Variants in KDM6A observed in about 807,000 individuals in gnomAD.
The protein encoded by KDM6A is lysine-specific demethylase 6A.
Under a neutral mutation model 117.6 loss-of-function variants are expected in KDM6A, and 11 were observed. The observed-to-expected ratio is 0.09, with a 90% CI of 0.06 to 0.15. The LOEUF (loss-of-function observed/expected upper bound fraction) is 0.15, where lower values mean the gene tolerates loss of function less well. Ranked by LOEUF, KDM6A falls within the 10% of genes least tolerant of loss-of-function variation. KDM6A has a pLI of 1.00. For missense variants in KDM6A, 799 were observed against 1,077.3 expected (o/e 0.74, Z 3.62); for synonymous variants, 384 against 396.1 (o/e 0.97, Z 0.36).
chrX:45,100,102 G>C (rs2046283565), intron 27 of KDM6A, among the ~76,000 whole-genome samples: 2 of 110,980 alleles, frequency 1.8e-5, no homozygotes, highest in Non-Finnish European at 3.8e-5. Context: ...CAGTACTTTG[G>C]GTTATATTTT....
At chrX:45,035,998 C>T (rs988816295) in intron 7 of KDM6A, among the ~76,000 whole-genome samples, 27 of 111,819 alleles carry the variant, frequency 2.4e-4, no homozygotes, top group African/African-American at 3.6e-4. Context: ...CGCGCCCGTC[C>T]GAAAAATGAA....
chrX:45,073,476 GTT>G (rs758939241), intron 18 of KDM6A, among the ~76,000 whole-genome samples: 47 of 111,837 alleles, frequency 4.2e-4, no homozygotes, highest in Non-Finnish European at 7.7e-4. Flanking sequence ...GGTTGAGCTA[GTT>G]TACACTCCCA....
intron 28 of KDM6A, among the ~76,000 whole-genome samples, chrX:45,109,121 T>TAAA (rs1404250760): frequency 0.033 from 3,077 of 92,964 alleles, 67 homozygotes; most frequent in Middle Eastern, 0.083. Flanking sequence ...AAGTATAATT[T>TAAA]AAAAAAATAA....
At chrX:44,904,947 C>G (rs982185389) in intron 2 of KDM6A, among the ~76,000 whole-genome samples, 1 of 112,031 alleles carries the variant, frequency 8.9e-6, no homozygotes, top group African/African-American at 3.2e-5. Flanking sequence ...AATTCTGAAA[C>G]TATTTGCTCG....
chrX:45,020,956 T>TA (rs1332924568), intron 6 of KDM6A, among the ~76,000 whole-genome samples: 2 of 111,515 alleles, frequency 1.8e-5, no homozygotes, highest in Non-Finnish European at 3.8e-5. Context: ...AATTACACTT[T>TA]AAAAAAATAG....
intron 2 of KDM6A, among the ~76,000 whole-genome samples, chrX:44,921,215 A>C (rs2035915098): frequency 8.9e-6 from 1 of 111,815 alleles, no homozygotes. Flanking sequence ...ATTTTGAAAT[A>C]GTTGTAGCTT....
chrX:45,034,795 T>C (rs989895201), intron 6 of KDM6A, 136 bp from the exon 7 acceptor site: 2 of 514,868 alleles, frequency 3.9e-6, no homozygotes, highest in African/African-American at 4.6e-5. Flanking sequence ...GTATTTCTAG[T>C]TGGTAGGCTA....
intron 29 of KDM6A, among the ~76,000 whole-genome samples, chrX:45,111,141 G>A (rs1348304815): frequency 9.0e-6 from 1 of 111,184 alleles, no homozygotes; most frequent in Non-Finnish European, 1.9e-5. Flanking sequence ...AAGAGTTTTT[G>A]ACTAATTGGT....
chrX:45,055,359 A>G (rs189810990), intron 10 of KDM6A, among the ~76,000 whole-genome samples: 39 of 111,084 alleles, frequency 3.5e-4, no homozygotes, highest in South Asian at 7.5e-4. Flanking sequence ...TACTCATAGT[A>G]TGCTTAGAAG....
chrX:45,041,200 C>T (rs1441892638), intron 8 of KDM6A, among the ~76,000 whole-genome samples: 13 of 79,777 alleles, frequency 1.6e-4, no homozygotes, highest in Non-Finnish European at 2.5e-4. Context: ...CCCTCCCGGA[C>T]GGGGCGGCTG....
chrX:44,935,481 T>C (rs771251414), intron 2 of KDM6A, among the ~76,000 whole-genome samples: 1 of 111,275 alleles, frequency 9.0e-6, no homozygotes, highest in African/African-American at 3.3e-5. Context: ...GGTACAAGTT[T>C]TCAAAAATTC....
intron 6 of KDM6A, among the ~76,000 whole-genome samples, chrX:45,021,552 T>C (rs895145128): frequency 9.0e-6 from 1 of 111,554 alleles, no homozygotes; most frequent in African/African-American, 3.3e-5. Context: ...TTCAAGTAGA[T>C]TGTAATTTGA....
intron 2 of KDM6A, among the ~76,000 whole-genome samples, chrX:44,933,147 A>T (rs1190464309): frequency 9.2e-5 from 10 of 108,779 alleles, no homozygotes; most frequent in African/African-American, 3.4e-4. Flanking sequence ...CTGCCTCCCA[A>T]AGTGCTGGGA....
intron 8 of KDM6A, among the ~76,000 whole-genome samples, chrX:45,039,257 T>G (rs2042945742): frequency 9.1e-6 from 1 of 109,751 alleles, no homozygotes; most frequent in Non-Finnish European, 1.9e-5. Context: ...ATACTCTAGT[T>G]TTTCTAGTTC....
chrX:44,874,068 G>A, intron 2 of KDM6A, 81 bp downstream of exon 2: 2 of 925,557 alleles, frequency 2.2e-6, no homozygotes, highest in Middle Eastern at 2.8e-4. Context: ...GGCCGGGTCT[G>A]TGCTCATTGT....
chrX:44,938,248 C>T (rs2037092330), intron 2 of KDM6A, among the ~76,000 whole-genome samples: 1 of 111,723 alleles, frequency 9.0e-6, no homozygotes, highest in Non-Finnish European at 1.9e-5. Context: ...GCATGAGCCA[C>T]CGCACCTGAC....
chrX:45,082,573 T>C lies in KDM6A; in HGVS notation c.3301-3T>C, dbSNP rs2045462398. On this transcript the variant is annotated splice_region_variant and splice_polypyrimidine_tract_variant and intron_variant, in intron 21 of 29. Transcript: ENST00000611820. ...ACTAGACTGCTTTTTGCTTAATCTA[T>C]AGGAAGAAAATGAAAAAAGAAGTCA... is the stretch of plus-strand genomic sequence containing the variant. 2.6e-6 allele frequency: 3 copies of C among 1,170,042 alleles called. No individual in the cohort carries two copies. The highest frequency in any genetic ancestry group is 3.6e-5 in the South Asian group (2 of 55,865).
chrX:44,933,641 A>G (rs2036801189), intron 2 of KDM6A, among the ~76,000 whole-genome samples: 1 of 106,663 alleles, frequency 9.4e-6, no homozygotes, highest in Non-Finnish European at 1.9e-5. Flanking sequence ...CTAGTGATGC[A>G]ATCTCGGCTC....
intron 25 of KDM6A, among the ~76,000 whole-genome samples, chrX:45,086,485 T>C (rs1602968154): frequency 9.0e-6 from 1 of 111,586 alleles, no homozygotes; most frequent in South Asian, 3.8e-4. Flanking sequence ...TAAATAGAGA[T>C]GGGGTTTCAC....
Sources: gnomAD v4.1 joint callset for allele counts (sites outside exome capture counted in the v4.1 genomes callset) on GRCh38, gnomAD v4.1.1 for gene constraint, MANE v1.5 for transcripts, NCBI Gene and HGNC (gene_info 2026-07-23, HGNC 2026-07-21) for gene names.